Variants in SMARCA2 observed in about 807,000 individuals in gnomAD.
The protein encoded by SMARCA2 is SWI/SNF-related matrix-associated actin-dependent regulator of chromatin subfamily A member 2.
A neutral mutation model predicts 199.8 loss-of-function variants in SMARCA2; 61 were observed. The ratio of observed to expected loss-of-function variants is 0.31; its 90% CI spans 0.25 to 0.38. The LOEUF (loss-of-function observed/expected upper bound fraction) is 0.38. Among genes scored for constraint, SMARCA2 ranks in the 10% least tolerant of loss-of-function variants. SMARCA2 has a pLI of 1.00. For missense variants in SMARCA2, 1,344 were observed against 2,012.2 expected, an observed-to-expected ratio of 0.67 and a Z score of 6.35; for synonymous variants, 935 against 732.0, an observed-to-expected ratio of 1.28 and a Z score of -4.48.
chr9:2,118,239 T>C (rs1442904301), intron 25 of SMARCA2, among the ~76,000 whole-genome samples: 1 of 152,310 alleles, frequency 6.6e-6, no homozygotes, highest in East Asian at 1.9e-4. Flanking sequence ...GTCTGTGTCC[T>C]TGTCAGATGA....
chr9:2,188,544 C>T (rs1827653376), intron 32 of SMARCA2, among the ~76,000 whole-genome samples: 1 of 152,130 alleles, frequency 6.6e-6, no homozygotes, highest in Non-Finnish European at 1.5e-5. Flanking sequence ...CTATATATTT[C>T]ATTATTTTAG....
chr9:2,051,604 C>G (rs573677310), intron 5 of SMARCA2, among the ~76,000 whole-genome samples: 2 of 152,290 alleles, frequency 1.3e-5, no homozygotes, highest in South Asian at 4.1e-4. Flanking sequence ...GTAGGAATTC[C>G]TCTAATTTGG....
intron 29 of SMARCA2, among the ~76,000 whole-genome samples, chr9:2,179,493 C>G (rs1826858903): frequency 6.6e-6 from 1 of 152,180 alleles, no homozygotes; most frequent in Non-Finnish European, 1.5e-5. Context: ...AGTCTCAGAG[C>G]ATTCAGCTCT....
At chr9:2,148,791 G>A (rs957437832) in intron 27 of SMARCA2, among the ~76,000 whole-genome samples, 4 of 151,422 alleles carry the variant, frequency 2.6e-5, no homozygotes, top group Non-Finnish European at 5.9e-5. Context: ...TTACAAGTGT[G>A]AGCCACGGTG....
intron 1 of SMARCA2, among the ~76,000 whole-genome samples, chr9:2,021,537 A>G (rs1818599291): frequency 6.6e-6 from 1 of 152,188 alleles, no homozygotes; most frequent in South Asian, 2.1e-4. Flanking sequence ...TTTATCACAC[A>G]TGGATATTGG....
intron 22 of SMARCA2, among the ~76,000 whole-genome samples, chr9:2,103,138 G>C (rs1822601056): frequency 6.6e-6 from 1 of 151,782 alleles, no homozygotes; most frequent in Admixed American, 6.6e-5. Context: ...ATCTCTTCAG[G>C]GAGGTCACCT....
chr9:2,108,865 T>C (rs1822870115), intron 23 of SMARCA2, among the ~76,000 whole-genome samples: 1 of 152,168 alleles, frequency 6.6e-6, no homozygotes, highest in South Asian at 2.1e-4. Flanking sequence ...CTCGGACAGT[T>C]GATTGTGTCG....
chr9:2,111,293 G>A (rs1822985444), intron 24 of SMARCA2, among the ~76,000 whole-genome samples: 1 of 151,760 alleles, frequency 6.6e-6, no homozygotes, highest in East Asian at 1.9e-4. Flanking sequence ...TTTGAGACCA[G>A]CCTGGGCAAC....
intron 32 of SMARCA2, among the ~76,000 whole-genome samples, chr9:2,190,473 T>G (rs766427105): frequency 6.6e-6 from 1 of 152,222 alleles, no homozygotes; most frequent in African/African-American, 2.4e-5. Flanking sequence ...CCTATAAATA[T>G]CCCACATATG....
rs1825565700 is a variant in SMARCA2 at position 2,159,709 on chromosome 9, G to C, written c.3982-1977G>C. 2.3e-5 allele frequency: 33 copies of C among 1,448,650 alleles called. No homozygotes were observed. The South Asian group carries it at 4.0e-4, about 17-fold the overall frequency. The allele number at this position is 1,448,650 out of a possible 1,614,324, so 89.7% of individuals were successfully genotyped here. On this transcript the variant is annotated intron_variant, in intron 27 of 33. Transcript: ENST00000349721. ...TTGTAGTAGGTAGCATGAAACAGCAGATTTGAGTATCCACAATCCTTTCAG... is the reference window on the plus strand; with the variant it reads ...TTGTAGTAGGTAGCATGAAACAGCACATTTGAGTATCCACAATCCTTTCAG...
chr9:2,064,972 C>G (rs10964602), intron 9 of SMARCA2, among the ~76,000 whole-genome samples: 1 of 152,170 alleles, frequency 6.6e-6, no homozygotes, highest in Admixed American at 6.5e-5. Context: ...ATCACGAAGT[C>G]AGGAGATCGA....
At chr9:2,101,398 C>G (rs1822507897) in intron 21 of SMARCA2, among the ~76,000 whole-genome samples, 172 bp from the exon 22 acceptor site, 1 of 152,106 alleles carries the variant, frequency 6.6e-6, no homozygotes, top group Non-Finnish European at 1.5e-5. Context: ...GAACAAAAGT[C>G]TGCATGCAAT....
intron 29 of SMARCA2, among the ~76,000 whole-genome samples, chr9:2,176,547 G>T (rs1312833391): frequency 1.3e-5 from 2 of 151,898 alleles, no homozygotes; most frequent in Non-Finnish European, 1.5e-5. Flanking sequence ...TGACTATTAG[G>T]GTGATTTTTT....
intron 19 of SMARCA2, among the ~76,000 whole-genome samples, chr9:2,093,789 A>G (rs1288949558): frequency 6.6e-6 from 1 of 152,238 alleles, no homozygotes; most frequent in Non-Finnish European, 1.5e-5. Context: ...AATATTAGAT[A>G]TCATCAAATT....
intron 20 of SMARCA2, 104 bp from the exon 21 acceptor site, chr9:2,097,281 A>C: frequency 1.4e-6 from 1 of 711,186 alleles, no homozygotes; most frequent in East Asian, 2.5e-5. Context: ...GACTGAAAAA[A>C]CCTATGGTCC....
Position 2,039,064 on chromosome 9 carries a change from T to C in SMARCA2, c.356-402T>C, listed in dbSNP as rs1469049339. On this transcript the variant is annotated intron_variant, in intron 3 of 33. Transcript: ENST00000349721. The surrounding 1 kb of genome is among the most constrained non-coding windows in gnomAD (Gnocchi z 4.8). ...ACATGTAGCTATTGATCACTTGAAGTGTGGTTAGTTCGAATTGAGATGTCC... is the reference window on the plus strand; with the variant it reads ...ACATGTAGCTATTGATCACTTGAAGCGTGGTTAGTTCGAATTGAGATGTCC... Among the ~76,000 whole-genome samples the C allele has an allele frequency of 6.6e-6, 1 of 152,152 alleles. No individual in the cohort carries two copies. Among genetic ancestry groups the C allele is most frequent in the African/African-American group, 2.4e-5 (1 of 41,438 alleles).
At chr9:2,076,936 A>G (rs992636657) in intron 13 of SMARCA2, among the ~76,000 whole-genome samples, 4 of 152,174 alleles carry the variant, frequency 2.6e-5, no homozygotes, top group African/African-American at 7.2e-5. Context: ...CTGTTGTGAA[A>G]CAATATAAAA....
chr9:2,077,724 G>A lies in SMARCA2; in HGVS notation c.2132G>A (p.Arg711Lys). 6.2e-7 allele frequency: 1 copy of A among 1,614,092 alleles called. No homozygotes were observed. The highest frequency in any genetic ancestry group is 1.1e-5 in the South Asian group (1 of 91,076). ...ACCGTGGCTCATGCCATCTCGGAGA[G>A]GGTGGAGAAACAGTCTGCCCTCCTA... is the stretch of plus-strand genomic sequence containing the variant. ...YYTVAHAISE[R>K]VEKQSALLIN... Residue 711 changes from arginine to lysine, a missense_variant, in exon 14 of 34, where the codon AGG becomes AAG. By Grantham distance (26) the Arg-to-Lys change is conservative. Coordinates refer to ENST00000349721, the MANE Select transcript of SMARCA2 (RefSeq NM_003070.5).
In SMARCA2 at chr9:2,161,959, T is replaced by C. The variant is rs577703280; in HGVS notation, c.4199+56T>C. ...CTCTCACCAAGACGCCGAGTGGCGC[T>C]CCCTGAGGAGCAGGAGTTGTTAAGT... On this transcript the variant is annotated intron_variant, in intron 28 of 33. Transcript: ENST00000349721. The surrounding 1 kb of genome is among the most constrained non-coding windows in gnomAD (Gnocchi z 4.7). The C allele has an allele frequency of 1.8e-5, 25 of 1,419,496 alleles. 1 individual carries two copies. The South Asian group carries it at 2.9e-4, about 16-fold the overall frequency. 87.9% of individuals were successfully genotyped at this position (1,419,496 alleles called of 1,614,324 possible). A position where few individuals can be genotyped will look rare whatever the true frequency, so the allele number is the denominator to read the frequency against.
Sources: allele counts gnomAD v4.1 joint callset (sites outside exome capture counted in the v4.1 genomes callset), GRCh38; gene constraint gnomAD v4.1.1; non-coding constraint Gnocchi (gnomAD v3.1); transcripts MANE v1.5; gene names NCBI Gene and HGNC (gene_info 2026-07-23, HGNC 2026-07-21).